The following RAB28 variants were observed in gnomAD, a reference collection of about 807,000 sequenced individuals.
RAB28 encodes the protein ras-related protein Rab-28.
Under a neutral mutation model 31.7 loss-of-function variants are expected in RAB28, and 24 were observed. The ratio of observed to expected loss-of-function variants is 0.76; its 90% CI spans 0.55 to 1.06. The LOEUF is 1.06. Among genes scored for constraint, RAB28 ranks in the 50% least tolerant of loss-of-function variants. The pLI is 0.00. For synonymous variants in RAB28, 100 were observed against 90.4 expected, an observed-to-expected ratio of 1.11 and a Z score of -0.60; for missense variants, 254 against 258.5, an observed-to-expected ratio of 0.98 and a Z score of 0.12.
intron 4 of RAB28, among the ~76,000 whole-genome samples, chr4:13,446,999 A>G (rs1307580596): frequency 1.3e-5 from 2 of 152,250 alleles, no homozygotes; most frequent in South Asian, 2.1e-4. Flanking sequence ...AGCCTGCCAG[A>G]TGCTTAGGCC....
chr4:13,481,140 A>G (rs1323002829), intron 1 of RAB28, among the ~76,000 whole-genome samples: 2 of 152,084 alleles, frequency 1.3e-5, no homozygotes, highest in African/African-American at 4.8e-5. Flanking sequence ...AGGAATATTC[A>G]GAAAAATTCT....
intron 4 of RAB28, among the ~76,000 whole-genome samples, chr4:13,425,334 G>C (rs901855661): frequency 2.6e-5 from 4 of 152,136 alleles, no homozygotes; most frequent in Non-Finnish European, 5.9e-5. Flanking sequence ...TCAGCAAGCA[G>C]GCAATTGATT....
chr4:13,391,789 G>A (rs1219013554), intron 4 of RAB28, among the ~76,000 whole-genome samples: 1 of 151,906 alleles, frequency 6.6e-6, no homozygotes, highest in Non-Finnish European at 1.5e-5. Context: ...ATCATTTTCA[G>A]CAAACTATCA....
chr4:13,484,202 T>A lies in RAB28; in HGVS notation c.-52A>T, dbSNP rs768478952. 3 of 1,447,438 alleles carry A rather than the reference T, an allele frequency of 2.1e-6. No homozygotes were observed. The South Asian group carries it at 3.7e-5, about 18-fold the overall frequency. 89.7% of individuals were successfully genotyped at this position (1,447,438 alleles called of 1,614,324 possible). ...TCGAGGTGGGGGGGGAAGGGAAGGA[T>A]GAAGGCTCCGGGGGCGGGGGAGAGG... On this transcript the variant is annotated 5_prime_UTR_variant, in exon 1 of 7. Coordinates refer to ENST00000330852, the MANE Select transcript of RAB28 (RefSeq NM_001017979.3).
chr4:13,447,472 A>G (rs1278269335), intron 4 of RAB28, among the ~76,000 whole-genome samples: 1 of 151,896 alleles, frequency 6.6e-6, no homozygotes, highest in Non-Finnish European at 1.5e-5. Flanking sequence ...TTATAAAAAA[A>G]AGAGAGAGAG....
intron 4 of RAB28, among the ~76,000 whole-genome samples, chr4:13,435,475 A>G (rs1489951809): frequency 6.6e-6 from 1 of 152,094 alleles, no homozygotes; most frequent in Non-Finnish European, 1.5e-5. Context: ...AGACTGATAG[A>G]CTGCCAGATA....
intron 4 of RAB28, 121 bp from the exon 5 acceptor site, chr4:13,381,715 C>A (rs1729138024): frequency 1.6e-6 from 1 of 637,330 alleles, no homozygotes; most frequent in South Asian, 2.4e-5. Flanking sequence ...AGCTGTGCAA[C>A]CTTGGACAAT....
intron 4 of RAB28, among the ~76,000 whole-genome samples, chr4:13,382,792 G>C (rs1001495449): frequency 2.0e-5 from 3 of 149,996 alleles, no homozygotes; most frequent in African/African-American, 7.4e-5. Flanking sequence ...TCTGCCTCCT[G>C]GGTTCAAGCA....
In RAB28 at chr4:13,460,745, G is replaced by T. The variant is rs779235223; in HGVS notation, c.345C>A (p.Ser115Arg). ...CCAGTGGCTGAGTTTCTGACTCCTC[G>T]CTCACTTTCTTCACCACAGTATACC... ...EDWYTVVKKV[S>R]EESETQPLVA... Residue 115 changes from serine (S) to arginine (R), a missense_variant, in exon 4 of 7, where the codon AGC (serine) becomes AGA (arginine). Coordinates refer to ENST00000330852, the MANE Select transcript of RAB28 (RefSeq NM_001017979.3). The T allele has an allele frequency of 6.2e-7, 1 of 1,613,848 alleles. No homozygotes were observed. The highest frequency in any genetic ancestry group is 1.1e-5 in the South Asian group (1 of 91,074).
intron 4 of RAB28, among the ~76,000 whole-genome samples, chr4:13,428,700 A>G (rs1269180945): frequency 6.6e-6 from 1 of 152,182 alleles, no homozygotes; most frequent in Non-Finnish European, 1.5e-5. Context: ...ATTCCTCTCC[A>G]GTAGAGGAAA....
chr4:13,438,751 G>A (rs1714262041), intron 4 of RAB28, among the ~76,000 whole-genome samples: 1 of 152,090 alleles, frequency 6.6e-6, no homozygotes, highest in Admixed American at 6.6e-5. Context: ...TTTTGTGTGG[G>A]CATACATTTT....
chr4:13,421,672 T>C (rs1713155003), intron 4 of RAB28, among the ~76,000 whole-genome samples: 1 of 152,168 alleles, frequency 6.6e-6, no homozygotes, highest in African/African-American at 2.4e-5. Context: ...CTATTTAAAA[T>C]GGTGCTAGGA....
rs566318120 is a variant in RAB28, at chr4:13,457,405, C to CT, written c.391+3293dup. On this transcript the variant is annotated intron_variant, in intron 4 of 6. Transcript: ENST00000330852. ...CTAATAGGCTTAACTGCAGAAGGAT[C>CT]TTTCATTACATGATCACATGAAATT... is the stretch of plus-strand genomic sequence containing the variant. Among the ~76,000 whole-genome samples the CT allele has an allele frequency of 9.2e-5, 14 of 152,194 alleles. No homozygotes were observed. In the East Asian group the frequency reaches 2.7e-3, roughly 29 times the overall value.
At chr4:13,467,554 T>A (rs1346289012) in intron 3 of RAB28, among the ~76,000 whole-genome samples, 1 of 151,906 alleles carries the variant, frequency 6.6e-6, no homozygotes, top group Non-Finnish European at 1.5e-5. Context: ...CTGAGGGACT[T>A]GCACTACACA....
intron 1 of RAB28, among the ~76,000 whole-genome samples, chr4:13,483,143 G>A (rs1344866552): frequency 4.6e-5 from 7 of 152,134 alleles, no homozygotes; most frequent in Non-Finnish European, 8.8e-5. Context: ...CTGGTGGAGG[G>A]ATCATAGACC....
At chr4:13,381,462 T>C in intron 5 of RAB28, 29 bp downstream of exon 5, 1 of 1,462,524 alleles carries the variant, frequency 6.8e-7, no homozygotes, top group Non-Finnish European at 9.5e-7. Flanking sequence ...AAGGAAAACA[T>C]CACATACAGT....
chr4:13,437,342 A>G (rs1169879957), intron 4 of RAB28, among the ~76,000 whole-genome samples: 1 of 152,224 alleles, frequency 6.6e-6, no homozygotes, highest in Non-Finnish European at 1.5e-5. Context: ...AGCAAGTGCA[A>G]CAAAAACAAA....
chr4:13,425,527 C>T (rs1356498487), intron 4 of RAB28, among the ~76,000 whole-genome samples: 2 of 152,160 alleles, frequency 1.3e-5, no homozygotes, highest in Non-Finnish European at 2.9e-5. Flanking sequence ...CAAGATCCTA[C>T]ATTAAAGTTG....
At chr4:13,408,161 C>T (rs1712210862) in intron 4 of RAB28, among the ~76,000 whole-genome samples, 1 of 152,088 alleles carries the variant, frequency 6.6e-6, no homozygotes, top group Admixed American at 6.5e-5. Context: ...TCATAAATAG[C>T]TCTTATTATT....
Sources: gnomAD v4.1 joint callset for allele counts (sites outside exome capture counted in the v4.1 genomes callset) on GRCh38, gnomAD v4.1.1 for gene constraint, MANE v1.5 for transcripts, NCBI Gene and HGNC (gene_info 2026-07-23, HGNC 2026-07-21) for gene names.